Variants in LRMDA observed in about 807,000 individuals in gnomAD.
LRMDA encodes the protein leucine rich melanocyte differentiation associated.
LRMDA carries 18 observed loss-of-function variants against 29.8 expected under a neutral mutation model. The observed-to-expected ratio is 0.60, with a 90% CI of 0.42 to 0.90. The LOEUF (loss-of-function observed/expected upper bound fraction) is 0.90. Ranked by LOEUF, LRMDA falls within the 40% of genes least tolerant of loss-of-function variation. The probability of loss-of-function intolerance (pLI) is 0.00; values close to 1 mark genes in which losing one functional copy is unlikely to be tolerated. For missense variants in LRMDA, 273 were observed against 273.9 expected (o/e 1.00, Z 0.02); for synonymous variants, 125 against 109.4 (o/e 1.14, Z -0.89).
At position 76,214,393 on chromosome 10, in the gene LRMDA, C is replaced by T. The variant is rs570979542; in HGVS notation, c.517-110008C>T. Among the ~76,000 whole-genome samples the T allele has an allele frequency of 2.1e-3, 273 of 131,404 alleles. 1 individual carries two copies. The highest frequency in any genetic ancestry group is 7.5e-3 in the African/African-American group (233 of 30,870). The allele number at this position is 131,404 out of a possible 152,430, so 86.2% of individuals were successfully genotyped here. A position where few individuals can be genotyped will look rare whatever the true frequency, so the allele number is the denominator to read the frequency against. ...CTCCTCTGTCGCCCAGGCCGGACTG[C>T]GTCCGCAGTGGCGCAATCTCGGCTC... On this transcript the variant is annotated intron_variant, in intron 5 of 6. Transcript: ENST00000611255.
chr10:76,492,360 G>C (rs1242535958), intron 6 of LRMDA, among the ~76,000 whole-genome samples: 1 of 151,998 alleles, frequency 6.6e-6, no homozygotes, highest in African/African-American at 2.4e-5. Context: ...CCAAGTGTTT[G>C]ATGAGATTTG....
chr10:75,930,963 A>G (rs1287108562), intron 2 of LRMDA, among the ~76,000 whole-genome samples: 1 of 152,210 alleles, frequency 6.6e-6, no homozygotes, highest in African/African-American at 2.4e-5. Context: ...AGAACATTCT[A>G]CCAGGGACAG....
chr10:75,593,095 C>T (rs575175048), intron 2 of LRMDA, among the ~76,000 whole-genome samples: 1 of 152,126 alleles, frequency 6.6e-6, no homozygotes, highest in African/African-American at 2.4e-5. Context: ...TGATGTCATG[C>T]GGAAAAGAGT....
At chr10:75,796,984 A>G (rs1220794496) in intron 2 of LRMDA, among the ~76,000 whole-genome samples, 1 of 152,236 alleles carries the variant, frequency 6.6e-6, no homozygotes, top group African/African-American at 2.4e-5. Flanking sequence ...TACTGGCCTC[A>G]AGATGAATTG....
At chr10:76,193,033 A>G (rs1006645139) in intron 5 of LRMDA, among the ~76,000 whole-genome samples, 1 of 152,226 alleles carries the variant, frequency 6.6e-6, no homozygotes, top group Admixed American at 6.5e-5. Flanking sequence ...TATGGCTTCT[A>G]TAAATGCTAT....
chr10:76,048,002 T>G (rs1467209569), intron 4 of LRMDA, among the ~76,000 whole-genome samples: 5 of 152,226 alleles, frequency 3.3e-5, no homozygotes, highest in Non-Finnish European at 7.4e-5. Flanking sequence ...GTCTTACCCA[T>G]TTTACCAAAG....
intron 2 of LRMDA, among the ~76,000 whole-genome samples, chr10:75,926,403 A>G (rs1846120924): frequency 6.6e-6 from 1 of 152,194 alleles, no homozygotes; most frequent in African/African-American, 2.4e-5. Flanking sequence ...TTTTTCATCT[A>G]GTGCTCTGCA....
chr10:75,862,655 A>G (rs1005254806), intron 2 of LRMDA, among the ~76,000 whole-genome samples: 19 of 152,230 alleles, frequency 1.2e-4, no homozygotes, highest in African/African-American at 4.6e-4. Flanking sequence ...ATTTATCCAC[A>G]TCAATCGGTA....
chr10:75,696,466 A>G (rs1251263732), intron 2 of LRMDA, among the ~76,000 whole-genome samples: 1 of 152,260 alleles, frequency 6.6e-6, no homozygotes. Flanking sequence ...AGAACTGGAA[A>G]GATTTGGTAA....
intron 5 of LRMDA, among the ~76,000 whole-genome samples, chr10:76,261,315 G>A (rs1438289565): frequency 6.6e-6 from 1 of 151,662 alleles, no homozygotes; most frequent in Middle Eastern, 3.4e-3. Flanking sequence ...CTCGTGATCT[G>A]CCTGCCTCGG....
chr10:75,900,470 C>T (rs1345034178), intron 2 of LRMDA, among the ~76,000 whole-genome samples: 1 of 152,134 alleles, frequency 6.6e-6, no homozygotes, highest in Non-Finnish European at 1.5e-5. Flanking sequence ...ATCAAAATAG[C>T]CTCTTTAAAA....
intron 5 of LRMDA, among the ~76,000 whole-genome samples, chr10:76,096,433 A>G (rs1849312655): frequency 6.6e-6 from 1 of 152,008 alleles, no homozygotes; most frequent in African/African-American, 2.4e-5. Flanking sequence ...GGCCATGTAC[A>G]TTGGTCTCTA....
chr10:75,775,839 G>A (rs773066099), intron 2 of LRMDA, among the ~76,000 whole-genome samples: 19 of 152,306 alleles, frequency 1.2e-4, no homozygotes, highest in Non-Finnish European at 2.4e-4. Flanking sequence ...GATCTCCAGC[G>A]TAGAGGTAGA....
chr10:75,827,056 A>C (rs774307965), intron 2 of LRMDA, among the ~76,000 whole-genome samples: 32 of 152,294 alleles, frequency 2.1e-4, no homozygotes, highest in Non-Finnish European at 4.0e-4. Context: ...TTCTTCTTAG[A>C]AGAAAAGATG....
intron 5 of LRMDA, among the ~76,000 whole-genome samples, chr10:76,093,286 A>G (rs1849260335): frequency 6.6e-6 from 1 of 151,766 alleles, no homozygotes. Context: ...GATTCTCCCA[A>G]AGTGTTGGGA....
chr10:75,829,425 C>T (rs1438753865), intron 2 of LRMDA, among the ~76,000 whole-genome samples: 2 of 152,036 alleles, frequency 1.3e-5, no homozygotes, highest in Non-Finnish European at 2.9e-5. Context: ...CTCTACTGGC[C>T]CCAATTCTGA....
intron 6 of LRMDA, among the ~76,000 whole-genome samples, chr10:76,350,325 A>G (rs553505471): frequency 1.3e-5 from 2 of 152,324 alleles, no homozygotes; most frequent in South Asian, 4.1e-4. Flanking sequence ...CAAGTCTTGC[A>G]TGATAATGAA....
At chr10:75,446,240 TTC>T (rs1315052569) in intron 2 of LRMDA, among the ~76,000 whole-genome samples, 3 of 152,242 alleles carry the variant, frequency 2.0e-5, no homozygotes, top group Admixed American at 2.0e-4. Context: ...GAAACCCTGC[TTC>T]TGTCACTCAC....
chr10:75,531,652 C>T (rs1185843105), intron 2 of LRMDA, among the ~76,000 whole-genome samples: 1 of 152,166 alleles, frequency 6.6e-6, no homozygotes, highest in Admixed American at 6.5e-5. Flanking sequence ...CACTCTTGTT[C>T]TCTGGACAGG....
Sources: gnomAD v4.1 joint callset for allele counts (sites outside exome capture counted in the v4.1 genomes callset) on GRCh38, gnomAD v4.1.1 for gene constraint, MANE v1.5 for transcripts, NCBI Gene and HGNC (gene_info 2026-07-23, HGNC 2026-07-21) for gene names.